The following DCHS2 variants were observed in gnomAD, a reference collection of about 807,000 sequenced individuals.
The protein encoded by DCHS2 is protocadherin-23.
A neutral mutation model predicts 182.4 loss-of-function variants in DCHS2; 142 were observed. The observed-to-expected ratio is 0.78, with a 90% CI of 0.68 to 0.89. The LOEUF (loss-of-function observed/expected upper bound fraction) is 0.89, where lower values mean the gene tolerates loss of function less well. Ranked by LOEUF, DCHS2 falls within the 40% of genes least tolerant of loss-of-function variation. The pLI, the probability that DCHS2 is intolerant of heterozygous loss-of-function variation, is 0.00. For missense variants in DCHS2, 4,319 were observed against 4,198.6 expected (o/e 1.03, Z -0.79); for synonymous variants, 1,740 against 1,663.3 (o/e 1.05, Z -1.12).
In DCHS2 at chr4:154,235,504, T is replaced by C; in HGVS notation, c.9148A>G (p.Lys3050Glu). Residue 3050 changes from lysine to glutamate, a missense_variant, in exon 20 of 20, where the codon AAA (lysine) becomes GAA (glutamate). Coordinates refer to ENST00000357232, the MANE Select transcript of DCHS2 (RefSeq NM_001358235.2). ...CAGTCGTCAGTTTTCTGGAAGGCTT[T>C]GAGCACACTGGCATCCCGGGTCACT... The part of the protein sequence containing the change: ...LRVTRDASVL[K>E]AFQKTDDCSN... 6.2e-7 allele frequency: 1 copy of C among 1,614,130 alleles called. No individual in the cohort carries two copies. The highest frequency in any genetic ancestry group is 8.5e-7 in the Non-Finnish European group (1 of 1,179,982).
chr4:154,456,827 C>T (rs1452377214), intron 1 of DCHS2, among the ~76,000 whole-genome samples: 1 of 152,070 alleles, frequency 6.6e-6, no homozygotes, highest in Non-Finnish European at 1.5e-5. Context: ...TTCTTACATT[C>T]TGGTTAGATG....
At chr4:154,452,622 G>A (rs1046891480) in intron 1 of DCHS2, among the ~76,000 whole-genome samples, 12 of 148,626 alleles carry the variant, frequency 8.1e-5, no homozygotes, top group Non-Finnish European at 1.0e-4. Flanking sequence ...AGACTCCATC[G>A]CAAAAACAAA....
intron 7 of DCHS2, among the ~76,000 whole-genome samples, chr4:154,325,402 T>C (rs1165366973): frequency 6.6e-6 from 1 of 151,570 alleles, no homozygotes; most frequent in African/African-American, 2.4e-5. Context: ...AGGTACACTA[T>C]GTTGTCTTCT....
At chr4:154,351,811 G>C (rs546969687) in intron 3 of DCHS2, among the ~76,000 whole-genome samples, 2 of 152,254 alleles carry the variant, frequency 1.3e-5, no homozygotes, top group East Asian at 3.9e-4. Context: ...ACAGGAGGTA[G>C]AGCTCCGGCG....
At chr4:154,324,837 G>A (rs752939778) in intron 7 of DCHS2, among the ~76,000 whole-genome samples, 19 of 152,234 alleles carry the variant, frequency 1.2e-4, no homozygotes, top group Non-Finnish European at 2.5e-4. Context: ...CATTGATTTT[G>A]TTCTCACAGA....
chr4:154,313,110 C>A (rs1484630004), intron 10 of DCHS2, among the ~76,000 whole-genome samples: 1 of 152,092 alleles, frequency 6.6e-6, no homozygotes, highest in Non-Finnish European at 1.5e-5. Flanking sequence ...TTCAGTGTGG[C>A]AATATACTGT....
intron 1 of DCHS2, among the ~76,000 whole-genome samples, chr4:154,418,500 G>T (rs1732965971): frequency 6.6e-6 from 1 of 152,100 alleles, no homozygotes; most frequent in Non-Finnish European, 1.5e-5. Context: ...AAACATAAAA[G>T]AACATATCAA....
intron 1 of DCHS2, among the ~76,000 whole-genome samples, chr4:154,386,071 C>T (rs867649692): frequency 6.6e-6 from 1 of 152,156 alleles, no homozygotes. Context: ...GTCTGCTACC[C>T]TCCCGGTCTT....
intron 19 of DCHS2, 34 bp from the exon 20 acceptor site, chr4:154,237,193 A>C: frequency 6.4e-7 from 1 of 1,563,956 alleles, no homozygotes; most frequent in Non-Finnish European, 8.6e-7. Flanking sequence ...CAACACTGTG[A>C]GGTGCAGTTT....
chr4:154,388,282 A>G (rs1731505644), intron 1 of DCHS2, among the ~76,000 whole-genome samples: 1 of 152,128 alleles, frequency 6.6e-6, no homozygotes, highest in South Asian at 2.1e-4. Context: ...ATATTTAAAG[A>G]CACAATAAAA....
intron 2 of DCHS2, among the ~76,000 whole-genome samples, chr4:154,375,431 A>T (rs1361408155): frequency 6.6e-6 from 1 of 152,126 alleles, no homozygotes; most frequent in Admixed American, 6.5e-5. Flanking sequence ...ATATATCGAA[A>T]AAAGGACTTT....
chr4:154,308,639 G>A (rs1337057312), intron 10 of DCHS2, among the ~76,000 whole-genome samples: 1 of 152,136 alleles, frequency 6.6e-6, no homozygotes, highest in Non-Finnish European at 1.5e-5. Context: ...AAAGTGTGAT[G>A]GAATATATGA....
intron 13 of DCHS2, among the ~76,000 whole-genome samples, chr4:154,285,685 T>A (rs529181911): frequency 5.6e-4 from 85 of 152,250 alleles, no homozygotes; most frequent in African/African-American, 2.0e-3. Context: ...GAAGGACTTT[T>A]GTCTTGTGGC....
At chr4:154,277,011 C>A (rs6823783) in intron 13 of DCHS2, among the ~76,000 whole-genome samples, 137,981 of 152,228 alleles carry the variant, frequency 0.91, 63,866 homozygotes, top group Non-Finnish European at 1. Flanking sequence ...TATAACTCTT[C>A]TTTGCAGTTC....
In DCHS2 at chr4:154,235,759, A is replaced by AT; in HGVS notation, c.8892dup (p.Ser2965IlefsTer19). 1 of 1,614,030 alleles carries AT rather than the reference A, an allele frequency of 6.2e-7. No homozygotes were observed. The highest frequency in any genetic ancestry group is 8.5e-7 in the Non-Finnish European group (1 of 1,179,978). On this transcript the variant is annotated frameshift_variant, in exon 20 of 20. Transcript: ENST00000357232. LOFTEE classifies it low-confidence loss of function (END_TRUNC). ...GTGCAAGATGCAAACTTGGAATCTG[A>AT]TTTGGGACTATGAGCGATTATTTTC...
At chr4:154,449,532 G>A (rs1217410897) in intron 1 of DCHS2, among the ~76,000 whole-genome samples, 6 of 151,810 alleles carry the variant, frequency 4.0e-5, no homozygotes, top group South Asian at 2.1e-4. Context: ...CACCACACTT[G>A]GCTAATTTTT....
intron 3 of DCHS2, among the ~76,000 whole-genome samples, chr4:154,340,271 G>A (rs1261413664): frequency 6.6e-6 from 1 of 152,092 alleles, no homozygotes; most frequent in East Asian, 1.9e-4. Context: ...AGATATTAAA[G>A]GGATTAATTT....
chr4:154,248,715 C>T (rs1217697961), intron 16 of DCHS2, among the ~76,000 whole-genome samples: 1 of 152,104 alleles, frequency 6.6e-6, no homozygotes, highest in Non-Finnish European at 1.5e-5. Flanking sequence ...ATGAAAATAG[C>T]ATGGTACTGA....
intron 15 of DCHS2, among the ~76,000 whole-genome samples, chr4:154,259,033 G>A (rs1019639320): frequency 6.6e-6 from 1 of 152,148 alleles, no homozygotes; most frequent in African/African-American, 2.4e-5. Flanking sequence ...AAGGATGGGT[G>A]GGTTTTACAG....
Sources: gnomAD v4.1 joint callset for allele counts (sites outside exome capture counted in the v4.1 genomes callset) on GRCh38, gnomAD v4.1.1 for gene constraint, MANE v1.5 for transcripts, NCBI Gene and HGNC (gene_info 2026-07-23, HGNC 2026-07-21) for gene names.